GLRA3: variants seen among roughly 807,000 people sequenced by gnomAD.
GLRA3 encodes glycine receptor alpha 3, also known as glycine receptor subunit alpha-3.
Under a neutral mutation model 60.4 loss-of-function variants are expected in GLRA3, and 44 were observed. The ratio of observed to expected loss-of-function variants is 0.73; its 90% CI spans 0.57 to 0.94. The LOEUF (loss-of-function observed/expected upper bound fraction) is 0.94. Ranked by LOEUF, GLRA3 falls within the 40% of genes least tolerant of loss-of-function variation. The probability of loss-of-function intolerance (pLI) is 0.00; values close to 1 mark genes in which losing one functional copy is unlikely to be tolerated. For synonymous variants in GLRA3, 223 were observed against 192.9 expected (o/e 1.16, Z -1.29); for missense variants, 508 against 564.6 (o/e 0.90, Z 1.02).
intron 6 of GLRA3, among the ~76,000 whole-genome samples, chr4:174,678,171 T>C (rs1734201861): frequency 6.6e-6 from 1 of 152,368 alleles, no homozygotes; most frequent in South Asian, 2.1e-4. Flanking sequence ...CCATTTGTAC[T>C]ATACACTTAT....
rs574035548 is a variant in GLRA3 at position 174,694,791 on chromosome 4, G to GT, written c.575-11853dup. Among the ~76,000 whole-genome samples, 11 of 151,976 alleles carry GT rather than the reference G, an allele frequency of 7.2e-5. No homozygotes were observed. The East Asian group carries it at 1.9e-3, about 27-fold the overall frequency. ...AAAAGCCATTCGAAAGCCAGGAGTT[G>GT]TTTTTTTGAAAACATTAATAAAACA... On this transcript the variant is annotated intron_variant, in intron 5 of 9. Coordinates refer to ENST00000274093, the MANE Select transcript of GLRA3 (RefSeq NM_006529.4).
chr4:174,713,141 A>T (rs561592037), intron 5 of GLRA3, among the ~76,000 whole-genome samples: 1 of 152,280 alleles, frequency 6.6e-6, no homozygotes, highest in South Asian at 2.1e-4. Context: ...TAGCTAAATT[A>T]AAATTAATTC....
At chr4:174,726,456 A>G (rs753910482) in intron 4 of GLRA3, among the ~76,000 whole-genome samples, 2 of 152,188 alleles carry the variant, frequency 1.3e-5, no homozygotes, top group Non-Finnish European at 1.5e-5. Flanking sequence ...GGAGTAGAGC[A>G]GTTGTCTAAA....
chr4:174,735,556 GTA>G (rs963313901), intron 3 of GLRA3, among the ~76,000 whole-genome samples: 1 of 152,004 alleles, frequency 6.6e-6, no homozygotes, highest in African/African-American at 2.4e-5. Flanking sequence ...TTTGTATTTT[GTA>G]TATTTATTTA....
chr4:174,808,392 CTTG>C (rs1740132273), intron 1 of GLRA3, among the ~76,000 whole-genome samples: 2 of 151,984 alleles, frequency 1.3e-5, no homozygotes, highest in South Asian at 4.1e-4. Context: ...TACTCATGTG[CTTG>C]TTGTGATGCT....
chr4:174,640,900 T>C lies in GLRA3; in HGVS notation c.*2886A>G, dbSNP rs1434618689. On this transcript the variant is annotated 3_prime_UTR_variant, in exon 10 of 10. Coordinates refer to ENST00000274093, the MANE Select transcript of GLRA3 (RefSeq NM_006529.4). ...CGCCATGGAGAAACTTTTGGAAGGGTTGGAGAAGTTTTAAACACCCTCAGC... is the reference window on the plus strand; with the variant it reads ...CGCCATGGAGAAACTTTTGGAAGGGCTGGAGAAGTTTTAAACACCCTCAGC... 1.3e-5 allele frequency: 2 copies of C among 151,926 alleles called. No homozygotes were observed. Among genetic ancestry groups the C allele is most frequent in the African/African-American group, 4.8e-5 (2 of 41,402 alleles). 9.4% of individuals were successfully genotyped at this position (151,926 alleles called of 1,614,324 possible). A position where few individuals can be genotyped will look rare whatever the true frequency, so the allele number is the denominator to read the frequency against.
At chr4:174,763,440 A>AAAACC (rs1225276090) in intron 3 of GLRA3, among the ~76,000 whole-genome samples, 1 of 152,198 alleles carries the variant, frequency 6.6e-6, no homozygotes, top group Non-Finnish European at 1.5e-5. Context: ...CTTAACCAAT[A>AAAACC]AAACCCCAAT....
chr4:174,715,102 C>T (rs1044868230), intron 5 of GLRA3, among the ~76,000 whole-genome samples: 4 of 152,130 alleles, frequency 2.6e-5, no homozygotes, highest in Non-Finnish European at 4.4e-5. Flanking sequence ...CATTTGAAAA[C>T]GTAGGGATAA....
chr4:174,781,544 T>A (rs1738873905), intron 2 of GLRA3, among the ~76,000 whole-genome samples: 1 of 139,472 alleles, frequency 7.2e-6, no homozygotes, highest in Non-Finnish European at 1.6e-5. Flanking sequence ...TTTGAAAGGA[T>A]CAACAAAATT....
chr4:174,732,131 C>A (rs767871222), intron 3 of GLRA3, among the ~76,000 whole-genome samples: 2 of 152,088 alleles, frequency 1.3e-5, no homozygotes, highest in Non-Finnish European at 2.9e-5. Flanking sequence ...CCGAGGTGGG[C>A]GGATCACGAG....
chr4:174,699,403 A>G (rs114879976), intron 5 of GLRA3, among the ~76,000 whole-genome samples: 24 of 152,316 alleles, frequency 1.6e-4, no homozygotes, highest in Non-Finnish European at 3.2e-4. Flanking sequence ...AAAGCCTACA[A>G]TATCAAGTAT....
chr4:174,645,626 A>G (rs1383219116), intron 9 of GLRA3, among the ~76,000 whole-genome samples: 5 of 152,124 alleles, frequency 3.3e-5, no homozygotes, highest in Admixed American at 1.3e-4. Context: ...AAACAAAAGT[A>G]TATGATTATT....
intron 3 of GLRA3, among the ~76,000 whole-genome samples, chr4:174,752,216 G>T (rs1290556781): frequency 6.6e-6 from 1 of 152,100 alleles, no homozygotes; most frequent in Non-Finnish European, 1.5e-5. Flanking sequence ...GGGTATATTA[G>T]CACAGTGAGT....
At chr4:174,677,705 A>C (rs1461259525) in intron 6 of GLRA3, among the ~76,000 whole-genome samples, 2 of 152,116 alleles carry the variant, frequency 1.3e-5, no homozygotes, top group Admixed American at 6.6e-5. Flanking sequence ...ACTTTCCATG[A>C]CAATGAAAAG....
intron 5 of GLRA3, among the ~76,000 whole-genome samples, chr4:174,685,686 CA>C (rs1189567682): frequency 1.3e-5 from 2 of 152,126 alleles, no homozygotes; most frequent in African/African-American, 4.8e-5. Context: ...CTTTCACTTT[CA>C]TTCATAAATC....
chr4:174,704,818 T>G lies in GLRA3; in HGVS notation c.574+10670A>C, dbSNP rs1431954502. ...CATAGATAAACTTTGAGAACTTTGT[T>G]AAGTGAAATAAGCCAGTCACACAAA... On this transcript the variant is annotated intron_variant, in intron 5 of 9. Transcript: ENST00000274093. Among the ~76,000 whole-genome samples, 3 of 143,804 alleles carry G rather than the reference T, an allele frequency of 2.1e-5. 1 individual carries two copies. The highest frequency in any genetic ancestry group is 1.4e-4 in the Admixed American group (2 of 13,962). The allele number at this position is 143,804 out of a possible 152,430, so 94.3% of individuals were successfully genotyped here.
At chr4:174,705,854 G>A (rs1477581463) in intron 5 of GLRA3, among the ~76,000 whole-genome samples, 2 of 151,526 alleles carry the variant, frequency 1.3e-5, no homozygotes, top group Admixed American at 6.6e-5. Context: ...GGGTGGGGAG[G>A]GCAATACAAA....
At chr4:174,727,595 A>AAAATTTTT (rs1410515653) in intron 4 of GLRA3, among the ~76,000 whole-genome samples, 6 of 152,180 alleles carry the variant, frequency 3.9e-5, no homozygotes, top group Non-Finnish European at 8.8e-5. Context: ...ACAATTATGG[A>AAAATTTTT]AAATTTTTAA....
chr4:174,740,801 C>G (rs887611667), intron 3 of GLRA3, among the ~76,000 whole-genome samples: 5 of 152,138 alleles, frequency 3.3e-5, no homozygotes, highest in African/African-American at 1.2e-4. Context: ...GCCAGTGATG[C>G]CTTCTTCATC....
Sources: allele counts gnomAD v4.1 joint callset (sites outside exome capture counted in the v4.1 genomes callset), GRCh38; gene constraint gnomAD v4.1.1; transcripts MANE v1.5; gene names NCBI Gene and HGNC (gene_info 2026-07-23, HGNC 2026-07-21).